The following DUSP22 variants were observed in gnomAD, a reference collection of about 807,000 sequenced individuals.
The protein encoded by DUSP22 is dual specificity phosphatase 22.
A neutral mutation model predicts 24.5 loss-of-function variants in DUSP22; 24 were observed. That is an observed-to-expected ratio of 0.98 (90% CI 0.71 to 1.38). DUSP22 has a LOEUF of 1.38. DUSP22 is among the 40% of genes most tolerant of loss of function. DUSP22 has a pLI of 0.00. For synonymous variants in DUSP22, 160 were observed against 106.4 expected (o/e 1.50, Z -3.10); for missense variants, 330 against 269.2 (o/e 1.23, Z -1.58).
chr6:309,776 G>T (rs1224847809), intron 2 of DUSP22, among the ~76,000 whole-genome samples: 1 of 152,254 alleles, frequency 6.6e-6, no homozygotes, highest in East Asian at 1.9e-4. Flanking sequence ...GGCTGTCTTT[G>T]TACCAGTCCC....
chr6:303,084 C>A (rs1036235156), intron 1 of DUSP22, among the ~76,000 whole-genome samples: 6 of 152,300 alleles, frequency 3.9e-5, no homozygotes, highest in African/African-American at 1.2e-4. Context: ...AGAAGAGCCA[C>A]ATGGCAATGA....
intron 1 of DUSP22, among the ~76,000 whole-genome samples, 198 bp downstream of exon 1, chr6:292,758 T>G (rs1757148598): frequency 1.3e-5 from 2 of 152,046 alleles, no homozygotes; most frequent in Admixed American, 1.3e-4. Flanking sequence ...CCCACCCGGC[T>G]TCCGGGTAGG....
chr6:350,151 T>C lies in DUSP22; in HGVS notation c.*1200T>C, dbSNP rs544107604. The C allele has an allele frequency of 4.1e-5, 40 of 986,208 alleles. No homozygotes were observed. The East Asian group carries it at 3.3e-3, about 81-fold the overall frequency. 61.1% of individuals were successfully genotyped at this position (986,208 alleles called of 1,614,324 possible). A position where few individuals can be genotyped will look rare whatever the true frequency, so the allele number is the denominator to read the frequency against. ...TATGCAAGTCAGCTTTGCCTCACAG[T>C]TGAAAATGTTCGGTCATGATTGCTT... On this transcript the variant is annotated 3_prime_UTR_variant, in exon 7 of 7. Coordinates refer to ENST00000419235, the MANE Select transcript of DUSP22 (RefSeq NM_001286555.3).
Position 334,982 on chromosome 6 carries a change from A to G in DUSP22, c.139-132A>G, listed in dbSNP as rs1759298175. On this transcript the variant is annotated intron_variant, in intron 3 of 6. Coordinates refer to ENST00000419235, the MANE Select transcript of DUSP22 (RefSeq NM_001286555.3). Reference sequence around the variant, plus strand: ...TTAGTTTTTCTGCAGTTCCTTGGCAACAAAAGATGAGTGAAAAACTTCTCC... The same window carrying G: ...TTAGTTTTTCTGCAGTTCCTTGGCAGCAAAAGATGAGTGAAAAACTTCTCC... 1.1e-5 allele frequency: 12 copies of G among 1,086,692 alleles called. No homozygotes were observed. In the South Asian group the frequency reaches 1.9e-4, roughly 17 times the overall value. The allele number at this position is 1,086,692 out of a possible 1,614,324, so 67.3% of individuals were successfully genotyped here.
chr6:340,715 G>T (rs1759570010), intron 4 of DUSP22, among the ~76,000 whole-genome samples: 1 of 152,306 alleles, frequency 6.6e-6, no homozygotes, highest in Non-Finnish European at 1.5e-5. Flanking sequence ...TTATAGCGTG[G>T]TCTGGTACCA....
chr6:303,045 G>A (rs893833255), intron 1 of DUSP22, among the ~76,000 whole-genome samples: 7 of 152,300 alleles, frequency 4.6e-5, no homozygotes, highest in African/African-American at 1.4e-4. Flanking sequence ...CTAAAGTTTG[G>A]TCAAGGAGGG....
chr6:297,563 A>G (rs531880298), intron 1 of DUSP22, among the ~76,000 whole-genome samples: 20 of 152,400 alleles, frequency 1.3e-4, no homozygotes, highest in African/African-American at 3.1e-4. Context: ...AGGTTTAGCA[A>G]CATCTCAGAT....
At chr6:306,597 C>G (rs1038043277) in intron 2 of DUSP22, among the ~76,000 whole-genome samples, 1 of 152,304 alleles carries the variant, frequency 6.6e-6, no homozygotes, top group African/African-American at 2.4e-5. Flanking sequence ...ACTCGTTAGC[C>G]AAATATTTAT....
intron 4 of DUSP22, among the ~76,000 whole-genome samples, chr6:338,368 T>G (rs1036376812): frequency 2.6e-5 from 4 of 152,300 alleles, no homozygotes; most frequent in African/African-American, 9.6e-5. Context: ...ATAGTGTACT[T>G]TTTAATGGTG....
At chr6:323,887 C>G (rs1758724005) in intron 3 of DUSP22, among the ~76,000 whole-genome samples, 3 of 152,304 alleles carry the variant, frequency 2.0e-5, no homozygotes, top group Admixed American at 2.0e-4. Context: ...CCCGCAGCAC[C>G]CAAGTGGAAG....
chr6:339,608 G>T (rs1291457711), intron 4 of DUSP22, among the ~76,000 whole-genome samples: 7 of 152,294 alleles, frequency 4.6e-5, no homozygotes. Context: ...TATGGAGTCG[G>T]TATACATCAT....
intron 1 of DUSP22, among the ~76,000 whole-genome samples, chr6:302,494 A>G (rs1757630044): frequency 1.3e-5 from 2 of 152,418 alleles, no homozygotes; most frequent in South Asian, 4.1e-4. Context: ...CCTGAGTGTC[A>G]CTGTCCCCAG....
At chr6:348,653 TTG>T in intron 6 of DUSP22, 114 bp from the exon 7 acceptor site, 4 of 1,516,812 alleles carry the variant, frequency 2.6e-6, no homozygotes, top group Non-Finnish European at 3.6e-6. Flanking sequence ...CCACTGCTGT[TTG>T]TTTCCCTGGT....
chr6:315,066 G>A (rs1190866784), intron 3 of DUSP22, among the ~76,000 whole-genome samples: 2 of 152,304 alleles, frequency 1.3e-5, no homozygotes, highest in Admixed American at 1.3e-4. Context: ...GGGTGGATGA[G>A]AGAAGATGTG....
At chr6:334,152 T>A (rs549474181) in intron 3 of DUSP22, among the ~76,000 whole-genome samples, 72 of 152,408 alleles carry the variant, frequency 4.7e-4, no homozygotes, top group African/African-American at 1.7e-3. Flanking sequence ...CTTCTGCCTC[T>A]GTGCTTTTAT....
Position 345,891 on chromosome 6 carries a change from G to T in DUSP22, c.226G>T (p.Glu76Ter). The T allele has an allele frequency of 6.2e-7, 1 of 1,614,250 alleles. No individual in the cohort carries two copies. The highest frequency in any genetic ancestry group is 1.1e-5 in the South Asian group (1 of 91,086). The change falls in exon 5 of 7, where the codon GAG (glutamate) becomes TAG (stop). Residue 76 changes from glutamate to a stop codon, truncating the protein, a stop_gained. Coordinates refer to ENST00000419235, the MANE Select transcript of DUSP22 (RefSeq NM_001286555.3). LOFTEE classifies it high-confidence loss of function. ...CAAAGAAAGTATTAAATTCATTCAC[G>T]AGTGCCGGCTCCGCGGTGAGAGCTG... Reference protein sequence around the residue: ...HFKESIKFIHECRLRGESCLV... With the variant: ...HFKESIKFIH
chr6:310,408 C>T (rs1471712766), intron 2 of DUSP22, among the ~76,000 whole-genome samples: 1 of 152,302 alleles, frequency 6.6e-6, no homozygotes, highest in Non-Finnish European at 1.5e-5. Flanking sequence ...CAGGGGATCA[C>T]ACCATTTGGT....
intron 3 of DUSP22, among the ~76,000 whole-genome samples, chr6:322,383 G>A (rs1218670057): frequency 6.6e-6 from 1 of 152,304 alleles, no homozygotes; most frequent in Non-Finnish European, 1.5e-5. Context: ...CAGCTCTTCT[G>A]AGTGCAGTCC....
At chr6:304,989 TCA>T (rs1757756783) in intron 2 of DUSP22, among the ~76,000 whole-genome samples, 1 of 152,306 alleles carries the variant, frequency 6.6e-6, no homozygotes, top group African/African-American at 2.4e-5. Context: ...GAGCACAGTG[TCA>T]CAGTTCATCC....
Sources: gnomAD v4.1 joint callset for allele counts (sites outside exome capture counted in the v4.1 genomes callset) on GRCh38, gnomAD v4.1.1 for gene constraint, MANE v1.5 for transcripts, NCBI Gene and HGNC (gene_info 2026-07-23, HGNC 2026-07-21) for gene names.